Variants in MTUS2 observed in about 807,000 individuals in gnomAD.
MTUS2 encodes the protein microtubule associated scaffold protein 2.
In MTUS2, 40 loss-of-function variants were observed where a neutral mutation model predicts 114.1. The ratio of observed to expected loss-of-function variants is 0.35; its 90% confidence interval spans 0.27 to 0.46. The LOEUF (loss-of-function observed/expected upper bound fraction) is 0.46, where lower values mean the gene tolerates loss of function less well. Ranked by LOEUF, MTUS2 falls within the 20% of genes least tolerant of loss-of-function variation. The pLI, the probability that MTUS2 is intolerant of heterozygous loss-of-function variation, is 1.00. For synonymous variants in MTUS2, 688 were observed against 672.0 expected (o/e 1.02, Z -0.37); for missense variants, 1,679 against 1,705.4 (o/e 0.98, Z 0.27).
chr13:28,855,484 C>T (rs1277084068), intron 2 of MTUS2, among the ~76,000 whole-genome samples: 1 of 152,098 alleles, frequency 6.6e-6, no homozygotes, highest in East Asian at 1.9e-4. Context: ...TCTGTATGTT[C>T]TCATTGTTCA....
intron 8 of MTUS2, among the ~76,000 whole-genome samples, chr13:29,387,179 G>A (rs1251934416): frequency 6.6e-6 from 1 of 152,190 alleles, no homozygotes; most frequent in Non-Finnish European, 1.5e-5. Context: ...AAGTGGCTCA[G>A]GAGAGAGGCC....
intron 4 of MTUS2, among the ~76,000 whole-genome samples, chr13:29,059,160 C>A (rs1445214210): frequency 1.3e-5 from 2 of 148,266 alleles, no homozygotes; most frequent in African/African-American, 5.0e-5. Flanking sequence ...TGCCAGAGTT[C>A]TTGCACTGGT....
At chr13:28,848,508 C>T (rs1876034037) in intron 2 of MTUS2, among the ~76,000 whole-genome samples, 1 of 151,058 alleles carries the variant, frequency 6.6e-6, no homozygotes, top group African/African-American at 2.4e-5. Flanking sequence ...TAAAAACAAA[C>T]TTGTTGGAAT....
At chr13:29,467,970 G>A (rs1880006418) in intron 9 of MTUS2, among the ~76,000 whole-genome samples, 1 of 151,982 alleles carries the variant, frequency 6.6e-6, no homozygotes, top group South Asian at 2.1e-4. Context: ...ACAAAAATTA[G>A]CCAGGTGTGG....
chr13:29,029,715 G>A (rs1886726765), intron 3 of MTUS2, among the ~76,000 whole-genome samples: 2 of 152,196 alleles, frequency 1.3e-5, no homozygotes, highest in South Asian at 4.1e-4. Context: ...CACTCAAGGG[G>A]GAAGAAGAAG....
At chr13:29,266,703 G>T (rs1420022083) in intron 5 of MTUS2, among the ~76,000 whole-genome samples, 1 of 152,200 alleles carries the variant, frequency 6.6e-6, no homozygotes, top group Admixed American at 6.5e-5. Context: ...GTTGCAAAAA[G>T]TGTGAAGCTT....
chr13:29,503,175 C>G lies in MTUS2; in HGVS notation c.4079C>G (p.Ser1360Cys), dbSNP rs763122990. The change falls in exon 16 of 16, where the codon TCT becomes TGT. Residue 1360 changes from serine (S) to cysteine (C), a missense_variant. Coordinates refer to ENST00000612955, the MANE Select transcript of MTUS2 (RefSeq NM_001033602.4). Reference protein sequence around the residue: ...VYRGSSSGPSSPARVSTTPR With the variant: ...VYRGSSSGPSCPARVSTTPR ...CGCGGCTCCTCCTCGGGGCCCTCCT[C>G]TCCGGCCAGAGTCAGCACAACACCC... is the stretch of plus-strand genomic sequence containing the variant. 7.4e-6 allele frequency: 12 copies of G among 1,614,158 alleles called. No individual in the cohort carries two copies. The highest frequency in any genetic ancestry group is 9.3e-6 in the Non-Finnish European group (11 of 1,180,040).
At chr13:29,347,580 G>C (rs1279800163) in intron 7 of MTUS2, among the ~76,000 whole-genome samples, 1 of 151,564 alleles carries the variant, frequency 6.6e-6, no homozygotes, top group Admixed American at 6.6e-5. Flanking sequence ...CACGACACGT[G>C]TGGGGTTTCC....
chr13:29,220,866 A>G (rs76663882), intron 5 of MTUS2, among the ~76,000 whole-genome samples: 1,681 of 152,328 alleles, frequency 0.011, 23 homozygotes, highest in Non-Finnish European at 0.018. Flanking sequence ...CTTGTAAACA[A>G]TGTGATATCT....
At chr13:29,208,204 T>G (rs1194810217) in intron 5 of MTUS2, among the ~76,000 whole-genome samples, 3 of 152,156 alleles carry the variant, frequency 2.0e-5, no homozygotes, top group Non-Finnish European at 2.9e-5. Context: ...CTAGGTTTTC[T>G]ACTTTGTGCA....
intron 2 of MTUS2, among the ~76,000 whole-genome samples, chr13:29,008,155 C>A (rs901430389): frequency 6.6e-6 from 1 of 152,144 alleles, no homozygotes; most frequent in African/African-American, 2.4e-5. Flanking sequence ...CGCCCCTTTG[C>A]CACTTGATTC....
intron 2 of MTUS2, among the ~76,000 whole-genome samples, chr13:29,012,967 A>G (rs1256173550): frequency 6.6e-6 from 1 of 152,218 alleles, no homozygotes; most frequent in African/African-American, 2.4e-5. Context: ...TACTAGGCCA[A>G]GTAGCCACTG....
intron 2 of MTUS2, among the ~76,000 whole-genome samples, chr13:29,003,463 A>C (rs1020778381): frequency 2.6e-5 from 4 of 152,192 alleles, no homozygotes; most frequent in African/African-American, 9.7e-5. Flanking sequence ...CCACTTTTAA[A>C]TGTAGTTCAA....
At chr13:29,363,656 G>C (rs1162655304) in intron 8 of MTUS2, among the ~76,000 whole-genome samples, 1 of 152,068 alleles carries the variant, frequency 6.6e-6, no homozygotes, top group African/African-American at 2.4e-5. Flanking sequence ...TCTGTGTCTT[G>C]TTGTTGTTAG....
intron 5 of MTUS2, among the ~76,000 whole-genome samples, chr13:29,181,593 T>C (rs1191055006): frequency 6.6e-6 from 1 of 152,150 alleles, no homozygotes; most frequent in Non-Finnish European, 1.5e-5. Flanking sequence ...GATTTAGCAG[T>C]TTTGAAGAGA....
In MTUS2 at chr13:29,058,485, T is replaced by A. The variant is rs187563914; in HGVS notation, c.2446+24360T>A. ...AGGTTTTGTTCATTCTTCTTTATTG[T>A]TTTCTTTTTATTTTTGTCTGACAGT... On this transcript the variant is annotated intron_variant, in intron 4 of 15. Transcript: ENST00000612955. Among the ~76,000 whole-genome samples the A allele has an allele frequency of 3.0e-3, 460 of 151,714 alleles. 3 individuals carry two copies. The highest frequency in any genetic ancestry group is 8.6e-3 in the Admixed American group (132 of 15,280).
chr13:28,987,438 T>G (rs1331425205), intron 2 of MTUS2, among the ~76,000 whole-genome samples: 1 of 150,228 alleles, frequency 6.7e-6, no homozygotes, highest in African/African-American at 2.5e-5. Context: ...CTTTGAGGAG[T>G]AAATGAGAGA....
At chr13:28,850,620 A>G (rs774299756) in intron 2 of MTUS2, among the ~76,000 whole-genome samples, 1 of 152,256 alleles carries the variant, frequency 6.6e-6, no homozygotes, top group African/African-American at 2.4e-5. Context: ...GTTAAACAGT[A>G]GAGGGAGAAG....
chr13:29,297,757 G>A (rs1404304726), intron 6 of MTUS2, among the ~76,000 whole-genome samples: 1 of 152,128 alleles, frequency 6.6e-6, no homozygotes, highest in East Asian at 1.9e-4. Flanking sequence ...CATGTTTGAG[G>A]TATATGATCC....
Sources: allele counts gnomAD v4.1 joint callset (sites outside exome capture counted in the v4.1 genomes callset), GRCh38; gene constraint gnomAD v4.1.1; transcripts MANE v1.5; gene names NCBI Gene and HGNC (gene_info 2026-07-23, HGNC 2026-07-21).